H4C15: variants seen among roughly 807,000 people sequenced by gnomAD.
The protein encoded by H4C15 is H4 clustered histone 15.
At chr1:149,845,662 T>A in the H4C15 span, 1 of 152,218 alleles carries the variant, frequency 6.6e-6, no homozygotes, top group Non-Finnish European at 1.5e-5. Context: ...AGGGCTGGAT[T>A]ATGTAGGCCA....
downstream of H4C15, chr1:149,850,265 C>A (rs2092169875): frequency 1.6e-6 from 2 of 1,265,548 alleles, no homozygotes; most frequent in African/African-American, 2.9e-5. Context: ...CTGGGACTGA[C>A]AACACAAGAA....
chr1:149,849,902 T>C (rs2092166223), downstream of H4C15, among the ~76,000 whole-genome samples: 1 of 152,218 alleles, frequency 6.6e-6, no homozygotes, highest in Non-Finnish European at 1.5e-5. Context: ...TAAGTACACA[T>C]CTGAGAGCAT....
downstream of H4C15, chr1:149,850,084 C>A: frequency 2.3e-6 from 1 of 439,962 alleles, no homozygotes; most frequent in South Asian, 2.1e-5. Context: ...AAAGACAGTT[C>A]AAGAGCAGCC....
chr1:149,850,785 A>AGT, downstream of H4C15: 14 of 147,996 alleles, frequency 9.5e-5, no homozygotes, highest in South Asian at 1.5e-4. Flanking sequence ...GCCAGACCCA[A>AGT]GACCGACACC....
downstream of H4C15, chr1:149,850,438 A>G: frequency 8.4e-7 from 1 of 1,185,178 alleles, no homozygotes; most frequent in Non-Finnish European, 1.2e-6. Context: ...GTGCCCTCGG[A>G]CACGGCGTGC....
At chr1:149,849,645 C>G (rs2092162687), downstream of H4C15, among the ~76,000 whole-genome samples, 1 of 152,152 alleles carries the variant, frequency 6.6e-6, no homozygotes, top group African/African-American at 2.4e-5. Context: ...TTAAACTGGA[C>G]AAGCTTTTCC....
chr1:149,850,171 G>A (rs149340824), downstream of H4C15: 196 of 643,338 alleles, frequency 3.0e-4, 3 homozygotes, highest in East Asian at 5.1e-3. Flanking sequence ...TTATAGCAAT[G>A]CCTATGTGAA....
At chr1:149,850,528 C>T, downstream of H4C15, 1 of 806,654 alleles carries the variant, frequency 1.2e-6, no homozygotes, top group Admixed American at 2.4e-5. Context: ...TGTTGTAGTG[C>T]GCCAGGCGGG....
At chr1:149,848,417 C>G in the H4C15 span, 1 of 152,240 alleles carries the variant, frequency 6.6e-6, no homozygotes, top group Non-Finnish European at 1.5e-5. Context: ...ATGAGTGGCT[C>G]AGTTCCCTGA....
chr1:149,848,570 G>C, the H4C15 span: 49 of 152,328 alleles, frequency 3.2e-4, no homozygotes, highest in African/African-American at 1.1e-3. Flanking sequence ...CTCCCCTGCT[G>C]AGTTAGTTGT....
downstream of H4C15, among the ~76,000 whole-genome samples, chr1:149,849,213 ACTC>A (rs2092158403): frequency 6.6e-6 from 1 of 151,946 alleles, no homozygotes; most frequent in African/African-American, 2.4e-5. Context: ...CCACCATTGC[ACTC>A]CAGCATGTCA....
At chr1:149,850,063 G>A (rs1386112669), downstream of H4C15, 11 of 405,086 alleles carry the variant, frequency 2.7e-5, no homozygotes, top group East Asian at 1.1e-4. Flanking sequence ...TCACGGGTAC[G>A]TAACCAGGCC....
downstream of H4C15, chr1:149,850,640 A>C: frequency 2.1e-6 from 1 of 483,644 alleles, no homozygotes; most frequent in Non-Finnish European, 3.5e-6. Context: ...CCGCTTCAGC[A>C]CCTTGTACAC....
downstream of H4C15, chr1:149,850,247 A>G (rs1553757585): frequency 8.9e-7 from 1 of 1,125,202 alleles, no homozygotes. Context: ...TGAAGCCAAA[A>G]ACATCAACTG....
downstream of H4C15, chr1:149,850,268 C>T (rs782329186): frequency 6.2e-6 from 8 of 1,297,708 alleles, no homozygotes; most frequent in Non-Finnish European, 8.7e-6. Flanking sequence ...GGACTGACAA[C>T]ACAAGAAAGA....
At chr1:149,845,714 A>C in the H4C15 span, 1 of 152,214 alleles carries the variant, frequency 6.6e-6, no homozygotes, top group Non-Finnish European at 1.5e-5. Context: ...TTGTCTTTTA[A>C]ATGAGATAGA....
chr1:149,858,641 AAGGAAGGAAGGG>A (rs1179322478), downstream of H4C15, among the ~76,000 whole-genome samples: 573 of 81,920 alleles, frequency 7.0e-3, 30 homozygotes, highest in African/African-American at 0.039. Flanking sequence ...GGAAGAAAGG[AAGGAAGGAAGGG>A]AGGGAGGGAG....
chr1:149,845,729 T>C, the H4C15 span: 132 of 152,304 alleles, frequency 8.7e-4, 1 homozygote, highest in African/African-American at 3.0e-3. Flanking sequence ...GATAGAGTGC[T>C]CTTGGAGAAT....
the H4C15 span, chr1:149,848,886 G>C: frequency 2.6e-5 from 4 of 152,204 alleles, no homozygotes; most frequent in African/African-American, 9.7e-5. Flanking sequence ...CATTCTCATT[G>C]CTGTGTTCAC....
Sources: gnomAD v4.1 joint callset for allele counts (sites outside exome capture counted in the v4.1 genomes callset) on GRCh38, gnomAD v4.1.1 for gene constraint, MANE v1.5 for transcripts, NCBI Gene and HGNC (gene_info 2026-07-23, HGNC 2026-07-21) for gene names.